LRRTM4: variants seen among roughly 807,000 people sequenced by gnomAD.
LRRTM4 encodes leucine-rich repeat transmembrane neuronal protein 4.
In LRRTM4, 25 loss-of-function variants were observed where a neutral mutation model predicts 47.6. The ratio of observed to expected loss-of-function variants is 0.53; its 90% CI spans 0.38 to 0.73. The LOEUF is 0.73. Among genes scored for constraint, LRRTM4 ranks in the 30% least tolerant of loss-of-function variants. The probability of loss-of-function intolerance (pLI) is 0.00; values close to 1 mark genes in which losing one functional copy is unlikely to be tolerated. For missense variants in LRRTM4, 638 were observed against 713.4 expected, an observed-to-expected ratio of 0.89 and a Z score of 1.20; for synonymous variants, 311 against 269.5, an observed-to-expected ratio of 1.15 and a Z score of -1.51.
At chr2:77,093,350 C>A (rs934399572) in intron 3 of LRRTM4, among the ~76,000 whole-genome samples, 1 of 150,596 alleles carries the variant, frequency 6.6e-6, no homozygotes, top group Non-Finnish European at 1.5e-5. Flanking sequence ...ATTCTTAGAC[C>A]TTTTATACCT....
intron 3 of LRRTM4, among the ~76,000 whole-genome samples, chr2:76,850,504 A>G (rs1671961371): frequency 6.6e-6 from 1 of 152,198 alleles, no homozygotes. Flanking sequence ...GGGGATGCAA[A>G]TAACTAGTAC....
At chr2:77,220,385 G>C (rs921500734) in intron 3 of LRRTM4, among the ~76,000 whole-genome samples, 1 of 152,174 alleles carries the variant, frequency 6.6e-6, no homozygotes, top group African/African-American at 2.4e-5. Context: ...AGAGAAGAAG[G>C]CTTCCGAAGA....
At chr2:77,421,668 C>G (rs186228764) in intron 3 of LRRTM4, among the ~76,000 whole-genome samples, 1 of 151,960 alleles carries the variant, frequency 6.6e-6, no homozygotes, top group African/African-American at 2.4e-5. Context: ...GATCACACCA[C>G]TGCACTCCAG....
rs181912787 is a variant in LRRTM4 at position 77,167,944 on chromosome 2, G to A, written c.1551+350374C>T. 2.6e-3 allele frequency among the ~76,000 whole-genome samples: 403 copies of A among 152,166 alleles called. 1 individual carries two copies. The highest frequency in any genetic ancestry group is 7.1e-3 in the Admixed American group (109 of 15,282). ...GTGCACATGTACCCTAGAACTTAAA[G>A]TATAATGATAATAAAGAAAAAAGAG... On this transcript the variant is annotated intron_variant, in intron 3 of 3. Transcript: ENST00000409884.
chr2:77,122,822 T>A (rs572065543), intron 3 of LRRTM4, among the ~76,000 whole-genome samples: 9 of 151,906 alleles, frequency 5.9e-5, no homozygotes, highest in Non-Finnish European at 1.3e-4. Flanking sequence ...AATTCCACAA[T>A]ATATAATGAG....
intron 3 of LRRTM4, among the ~76,000 whole-genome samples, chr2:77,501,823 T>C (rs953424908): frequency 6.6e-6 from 1 of 151,118 alleles, no homozygotes; most frequent in Non-Finnish European, 1.5e-5. Context: ...AATACAGAAA[T>C]TAAAATATAC....
chr2:76,945,279 T>A (rs1336535342), intron 3 of LRRTM4, among the ~76,000 whole-genome samples: 1 of 152,066 alleles, frequency 6.6e-6, no homozygotes, highest in Non-Finnish European at 1.5e-5. Context: ...ATGACACTCT[T>A]CATATTTTCC....
intron 3 of LRRTM4, among the ~76,000 whole-genome samples, chr2:76,810,084 A>C (rs1670689309): frequency 6.6e-6 from 1 of 152,150 alleles, no homozygotes; most frequent in African/African-American, 2.4e-5. Flanking sequence ...TACATCCCCT[A>C]CTAGAATGTA....
At chr2:77,098,955 T>C (rs1239644761) in intron 3 of LRRTM4, among the ~76,000 whole-genome samples, 1 of 151,940 alleles carries the variant, frequency 6.6e-6, no homozygotes, top group Non-Finnish European at 1.5e-5. Context: ...AGGTTGGCAA[T>C]AATATAAAAG....
rs148426320 is a variant in LRRTM4 at position 77,345,073 on chromosome 2, A to G, written c.1551+173245T>C. Among the ~76,000 whole-genome samples, 10 of 151,416 alleles carry G rather than the reference A, an allele frequency of 6.6e-5. No homozygotes were observed. In the East Asian group the frequency reaches 1.9e-3, roughly 29 times the overall value. ...TTATACAAATACCTAAAATAATTAT[A>G]TAAATAGTAAAACACTCAATAAAAA... On this transcript the variant is annotated intron_variant, in intron 3 of 3. Transcript: ENST00000409884.
chr2:77,518,411 C>T lies in LRRTM4; in HGVS notation c.1458G>A (p.Val486=). 1 of 1,613,054 alleles carries T rather than the reference C, an allele frequency of 6.2e-7. No homozygotes were observed. The change falls in exon 3 of 4, where the codon GTG becomes GTA. Residue 486 remains valine (V), a synonymous_variant. Transcript: ENST00000409884. ...QMNSPLQEYY[V]DYKPTNSETM... ...TCTCAGAGTTTGTAGGCTTGTAGTC[C>T]ACATAATACTCCTGTAAAGGGGAAT...
chr2:77,147,015 A>G (rs1250678256), intron 3 of LRRTM4, among the ~76,000 whole-genome samples: 2 of 152,194 alleles, frequency 1.3e-5, no homozygotes, highest in Non-Finnish European at 2.9e-5. Flanking sequence ...AAAAATAATA[A>G]AATTTTTCAT....
At chr2:76,907,285 T>G (rs1673877917) in intron 3 of LRRTM4, among the ~76,000 whole-genome samples, 1 of 152 alleles carries the variant, frequency 6.6e-3, no homozygotes, top group Non-Finnish European at 0.013. Context: ...AAGATGTTCT[T>G]TGAAACCACG....
chr2:77,225,970 G>A (rs1244626848), intron 3 of LRRTM4, among the ~76,000 whole-genome samples: 3 of 151,786 alleles, frequency 2.0e-5, no homozygotes, highest in Admixed American at 6.6e-5. Context: ...TTCTTACTGC[G>A]TGGTAGTAAA....
rs1273185907 is a variant in LRRTM4, at chr2:76,796,107, C to T, written c.1552-47191G>A. 2.6e-4 allele frequency among the ~76,000 whole-genome samples: 36 copies of T among 138,618 alleles called. 2 individuals are homozygous for T. Among genetic ancestry groups the T allele is most frequent in the African/African-American group, 9.7e-4 (36 of 37,118 alleles). The allele number at this position is 138,618 out of a possible 152,430, so 90.9% of individuals were successfully genotyped here. A position where few individuals can be genotyped will look rare whatever the true frequency, so the allele number is the denominator to read the frequency against. ...CCACCCGAATACTGCGCTTTTCAGA[C>T]AGGCTTAAAAAAACGGCACACCACA... On this transcript the variant is annotated intron_variant, in intron 3 of 3. Transcript: ENST00000409884.
At chr2:77,256,324 A>T (rs1675764402) in intron 3 of LRRTM4, among the ~76,000 whole-genome samples, 2 of 152,146 alleles carry the variant, frequency 1.3e-5, no homozygotes, top group Admixed American at 6.6e-5. Context: ...TCGTTGGTAA[A>T]CTATACCAAA....
At chr2:76,932,920 G>A (rs779601457) in intron 3 of LRRTM4, among the ~76,000 whole-genome samples, 22 of 151,994 alleles carry the variant, frequency 1.4e-4, no homozygotes, top group Non-Finnish European at 2.2e-4. Flanking sequence ...AGGTATACAC[G>A]TGCCATGGTG....
chr2:77,178,460 C>T lies in LRRTM4; in HGVS notation c.1551+339858G>A, dbSNP rs577081593. 3.3e-5 allele frequency among the ~76,000 whole-genome samples: 5 copies of T among 152,120 alleles called. No homozygotes were observed. The South Asian group carries it at 1.0e-3, about 32-fold the overall frequency. ...AATTAGCCAGGCGTGGTGGCGCGTGCCTGTATTCCTAGCTACTTGGGAGGC... is the reference window on the plus strand; with the variant it reads ...AATTAGCCAGGCGTGGTGGCGCGTGTCTGTATTCCTAGCTACTTGGGAGGC... On this transcript the variant is annotated intron_variant, in intron 3 of 3. Coordinates refer to ENST00000409884, the MANE Select transcript of LRRTM4 (RefSeq NM_001134745.3).
intron 3 of LRRTM4, among the ~76,000 whole-genome samples, chr2:77,086,087 A>G (rs924728691): frequency 1.3e-5 from 2 of 152,202 alleles, no homozygotes; most frequent in African/African-American, 4.8e-5. Context: ...GTAATTCAGA[A>G]TTTCACTGAA....
Sources: gnomAD v4.1 joint callset for allele counts (sites outside exome capture counted in the v4.1 genomes callset) on GRCh38, gnomAD v4.1.1 for gene constraint, MANE v1.5 for transcripts, NCBI Gene and HGNC (gene_info 2026-07-23, HGNC 2026-07-21) for gene names.